SHANK2: variants seen among roughly 807,000 people sequenced by gnomAD.
SHANK2 encodes SH3 and multiple ankyrin repeat domains protein 2.
SHANK2 carries 43 observed loss-of-function variants against 133.7 expected under a neutral mutation model. That is an observed-to-expected ratio of 0.32 (90% CI 0.25 to 0.41). The LOEUF (loss-of-function observed/expected upper bound fraction) is 0.41, where lower values mean the gene tolerates loss of function less well. SHANK2 is among the 10% of genes least tolerant of loss of function. SHANK2 has a pLI of 1.00. For missense variants in SHANK2, 1,994 were observed against 2,235.8 expected (o/e 0.89, Z 2.18); for synonymous variants, 1,017 against 952.8 (o/e 1.07, Z -1.24).
chr11:70,748,763 T>C (rs1213600385), intron 14 of SHANK2, among the ~76,000 whole-genome samples: 2 of 152,192 alleles, frequency 1.3e-5, no homozygotes, highest in Non-Finnish European at 2.9e-5. Context: ...GAAATGCTCA[T>C]ACCTACACAG....
chr11:71,104,689 G>C (rs1002762823), intron 6 of SHANK2, among the ~76,000 whole-genome samples: 44 of 151,996 alleles, frequency 2.9e-4, no homozygotes, highest in African/African-American at 9.9e-4. Context: ...GTCACCCTGG[G>C]TCCTCACTTT....
chr11:70,485,857 G>A lies in SHANK2; in HGVS notation c.4436C>T (p.Pro1479Leu). 6.2e-7 allele frequency: 1 copy of A among 1,614,086 alleles called. No individual in the cohort carries two copies. Among genetic ancestry groups the A allele is most frequent in the Non-Finnish European group, 8.5e-7 (1 of 1,180,040 alleles). ...SNCLPASFLPPPESFDAVADS... is the reference protein window; with the variant it reads ...SNCLPASFLPLPESFDAVADS... Reference sequence around the variant, plus strand: ...GGCGACGGCGTCAAAGCTTTCAGGGGGTGGCAGGAATGAGGCAGGCAGACA... The same window carrying A: ...GGCGACGGCGTCAAAGCTTTCAGGGAGTGGCAGGAATGAGGCAGGCAGACA... The change falls in exon 25 of 26, where the codon CCC becomes CTC. Residue 1479 changes from proline (P) to leucine (L), a missense_variant. Pro to Leu is a moderately conservative substitution (Grantham distance 98). Coordinates refer to ENST00000601538, the MANE Select transcript of SHANK2 (RefSeq NM_012309.5). This position sits in a 1 kb window ranked among gnomAD's most constrained non-coding sequence, Gnocchi z 5.8.
Position 71,188,976 on chromosome 11 carries a change from C to T in SHANK2, c.-13+35721G>A, listed in dbSNP as rs1311935901. ...CCCCACTCCCACCTAGATGGAGTCCCAGGAAGCTGCCCCACCACAGGGCAA... is the reference window on the plus strand; with the variant it reads ...CCCCACTCCCACCTAGATGGAGTCCTAGGAAGCTGCCCCACCACAGGGCAA... On this transcript the variant is annotated intron_variant, in intron 2 of 25. Transcript: ENST00000601538. The surrounding 1 kb of genome is among the most constrained non-coding windows in gnomAD (Gnocchi z 4.6). Among the ~76,000 whole-genome samples the T allele has an allele frequency of 6.6e-6, 1 of 152,184 alleles. No homozygotes were observed.
At chr11:71,180,035 A>G (rs1953525421) in intron 2 of SHANK2, among the ~76,000 whole-genome samples, 2 of 152,248 alleles carry the variant, frequency 1.3e-5, no homozygotes, top group African/African-American at 2.4e-5. Flanking sequence ...CAGGCACAGG[A>G]CATCCCGGGA....
chr11:70,802,416 C>A (rs1346873845), intron 13 of SHANK2, among the ~76,000 whole-genome samples: 2 of 152,240 alleles, frequency 1.3e-5, no homozygotes, highest in Non-Finnish European at 2.9e-5. Context: ...TGGCTCCGAC[C>A]CCGCTGCTAC....
Position 70,473,593 on chromosome 11 carries a change from C to T in SHANK2, c.4980-154G>A, listed in dbSNP as rs1158949193. On this transcript the variant is annotated intron_variant, in intron 25 of 25. Transcript: ENST00000601538. This position sits in a 1 kb window ranked among gnomAD's most constrained non-coding sequence, Gnocchi z 5.9. ...GCAGTGAACGAATGATTTGCCATGC[C>T]AGGGTGGGGGAGGGGGAGAAAGGGG... is the stretch of plus-strand genomic sequence containing the variant. 3.9e-6 allele frequency: 3 copies of T among 759,644 alleles called. No individual in the cohort carries two copies. The highest frequency in any genetic ancestry group is 2.7e-5 in the East Asian group (1 of 36,932). The allele number at this position is 759,644 out of a possible 1,614,324, so 47.1% of individuals were successfully genotyped here. A position where few individuals can be genotyped will look rare whatever the true frequency, so the allele number is the denominator to read the frequency against.
At chr11:70,914,819 A>G (rs2135738241) in intron 10 of SHANK2, among the ~76,000 whole-genome samples, 1 of 151,332 alleles carries the variant, frequency 6.6e-6, no homozygotes, top group East Asian at 1.9e-4. Context: ...TGAGCCTAGG[A>G]ATTTGAGAAT....
In SHANK2 at chr11:70,612,963, C is replaced by T. The variant is rs112173557; in HGVS notation, c.2061+46865G>A. Reference sequence around the variant, plus strand: ...CTGTACTCCACGTGTGAGCAACTCACGGCATCCGGATCCTTTCTTGTTCAC... The same window carrying T: ...CTGTACTCCACGTGTGAGCAACTCATGGCATCCGGATCCTTTCTTGTTCAC... On this transcript the variant is annotated intron_variant, in intron 17 of 25. Transcript: ENST00000601538. Among the ~76,000 whole-genome samples, 251 of 152,300 alleles carry T rather than the reference C, an allele frequency of 1.6e-3. 4 individuals carry two copies. Among genetic ancestry groups the T allele is most frequent in the African/African-American group, 5.7e-3 (236 of 41,550 alleles).
At chr11:70,531,228 A>T (rs1172410962) in intron 17 of SHANK2, among the ~76,000 whole-genome samples, 1 of 152,076 alleles carries the variant, frequency 6.6e-6, no homozygotes, top group Non-Finnish European at 1.5e-5. Context: ...ACTATGATTT[A>T]AAATAATAAC....
At chr11:71,199,627 G>T (rs74362514) in intron 2 of SHANK2, among the ~76,000 whole-genome samples, 2 of 152,214 alleles carry the variant, frequency 1.3e-5, no homozygotes, top group Non-Finnish European at 2.9e-5. Flanking sequence ...AGCATGCAGG[G>T]AAGATGTGAC....
At chr11:70,839,762 G>A (rs1373395089) in intron 11 of SHANK2, among the ~76,000 whole-genome samples, 4 of 152,176 alleles carry the variant, frequency 2.6e-5, no homozygotes, top group African/African-American at 7.2e-5. Context: ...CTCACCAGGC[G>A]GCTGAGTGAG....
chr11:70,897,006 C>CA (rs1238533518), intron 10 of SHANK2, among the ~76,000 whole-genome samples: 1 of 151,896 alleles, frequency 6.6e-6, no homozygotes, highest in Non-Finnish European at 1.5e-5. Flanking sequence ...GGGGAAACCT[C>CA]AAAAAAAGCA....
At chr11:70,695,299 G>A (rs924903115) in intron 15 of SHANK2, among the ~76,000 whole-genome samples, 1 of 151,528 alleles carries the variant, frequency 6.6e-6, no homozygotes, top group Non-Finnish European at 1.5e-5. Context: ...CTTAAAAATG[G>A]TCAGAATAGG....
chr11:70,919,468 G>C (rs577883611), intron 10 of SHANK2, among the ~76,000 whole-genome samples: 1 of 151,060 alleles, frequency 6.6e-6, no homozygotes, highest in Non-Finnish European at 1.5e-5. Context: ...TGCAACCTCC[G>C]CCTCCCAGGT....
chr11:71,057,293 C>G (rs1421594254), intron 9 of SHANK2, among the ~76,000 whole-genome samples: 12 of 152,082 alleles, frequency 7.9e-5, no homozygotes, highest in African/African-American at 2.9e-4. Context: ...GAGATCGCAC[C>G]CACTGCCCTC....
intron 8 of SHANK2, among the ~76,000 whole-genome samples, chr11:71,089,444 C>T (rs1202360595): frequency 6.6e-6 from 1 of 150,960 alleles, no homozygotes; most frequent in Non-Finnish European, 1.5e-5. Context: ...TGCGTGCGTG[C>T]GAGTGTGTGT....
chr11:70,709,941 A>AG (rs1356735477), intron 14 of SHANK2, among the ~76,000 whole-genome samples: 3 of 151,956 alleles, frequency 2.0e-5, no homozygotes, highest in Non-Finnish European at 4.4e-5. Flanking sequence ...TCAGGGACGG[A>AG]GGGGGACAGG....
intron 17 of SHANK2, among the ~76,000 whole-genome samples, chr11:70,618,288 C>A (rs1356021756): frequency 1.5e-5 from 2 of 137,202 alleles, no homozygotes; most frequent in Non-Finnish European, 3.1e-5. Flanking sequence ...AGTTAAGACT[C>A]GGTCTCAGAA....
intron 8 of SHANK2, among the ~76,000 whole-genome samples, chr11:71,085,910 T>C: frequency 1.3e-3 from 1 of 780 alleles, no homozygotes; most frequent in East Asian, 0.056. Context: ...TAATTATATA[T>C]TAATATAACA....
Sources: gnomAD v4.1 joint callset for allele counts (sites outside exome capture counted in the v4.1 genomes callset) on GRCh38, gnomAD v4.1.1 for gene constraint, Gnocchi (gnomAD v3.1) non-coding constraint, MANE v1.5 for transcripts, NCBI Gene and HGNC (gene_info 2026-07-23, HGNC 2026-07-21) for gene names.